The following ANKRD26 variants were observed in gnomAD, a reference collection of about 807,000 sequenced individuals.
ANKRD26 encodes the protein ankyrin repeat domain-containing protein 26.
Under a neutral mutation model 208.7 loss-of-function variants are expected in ANKRD26, and 141 were observed. The observed-to-expected ratio is 0.68, with a 90% CI of 0.59 to 0.78. The LOEUF (loss-of-function observed/expected upper bound fraction) is 0.78. ANKRD26 is among the 30% of genes least tolerant of loss of function. ANKRD26 has a pLI of 0.00. For synonymous variants in ANKRD26, 636 were observed against 660.4 expected, an observed-to-expected ratio of 0.96 and a Z score of 0.57; for missense variants, 1,889 against 1,938.7, an observed-to-expected ratio of 0.97 and a Z score of 0.48.
downstream of ANKRD26, among the ~76,000 whole-genome samples, chr10:26,971,865 G>C (rs915681100): frequency 6.6e-6 from 1 of 152,004 alleles, no homozygotes; most frequent in African/African-American, 2.4e-5. Flanking sequence ...AGCCTTTCTG[G>C]TAAAATCTCT....
At chr10:27,098,684 G>A (rs1301148240) in intron 1 of ANKRD26, among the ~76,000 whole-genome samples, 1 of 151,962 alleles carries the variant, frequency 6.6e-6, no homozygotes, top group Non-Finnish European at 1.5e-5. Flanking sequence ...GAGTAGCTGG[G>A]ACTACAGGCG....
intron 1 of ANKRD26, among the ~76,000 whole-genome samples, chr10:27,097,066 C>A (rs1398564012): frequency 1.3e-5 from 2 of 152,040 alleles, no homozygotes; most frequent in African/African-American, 2.4e-5. Context: ...CCTGGAATCT[C>A]AGCTACTAGG....
downstream of ANKRD26, among the ~76,000 whole-genome samples, chr10:27,003,279 T>C (rs951079708): frequency 2.0e-5 from 3 of 152,210 alleles, no homozygotes; most frequent in African/African-American, 7.2e-5. Context: ...TTGAAATGGC[T>C]ACTACTGGCC....
chr10:27,099,395 A>T (rs1308619449), intron 1 of ANKRD26, among the ~76,000 whole-genome samples: 1 of 152,218 alleles, frequency 6.6e-6, no homozygotes, highest in East Asian at 1.9e-4. Flanking sequence ...ATGCTGAGAA[A>T]AACAAATTAC....
the ANKRD26 span, among the ~76,000 whole-genome samples, chr10:26,950,204 TAGTG>T: frequency 2.0e-5 from 3 of 152,160 alleles, no homozygotes; most frequent in African/African-American, 7.2e-5. Context: ...GTTCTTGTGA[TAGTG>T]AGAGAGTTCT....
rs543557492 is a variant in ANKRD26, at chr10:27,035,710, T to G, written c.2740A>C (p.Asn914His). ...GCAATTTCTTCCTGCAACATGCTAT[T>G]TTTATGCGATAGGTCTTTTTCTTCT... ...HEEEKDLSHK[N>H]SMLQEEIAML... Residue 914 changes from asparagine to histidine, a missense_variant, in exon 24 of 34, where the codon AAT becomes CAT. Around this residue, in one of 3 missense-constraint regions of ANKRD26, gnomAD observed 1,272 missense variants for 1,273.8 expected, o/e 1.00. Coordinates refer to ENST00000376087, the MANE Select transcript of ANKRD26 (RefSeq NM_014915.3). 1.0e-5 allele frequency: 16 copies of G among 1,607,394 alleles called. No homozygotes were observed. In the African/African-American group the frequency reaches 1.6e-4, roughly 16 times the overall value.
At chr10:27,050,781 G>A (rs1286065372) in intron 16 of ANKRD26, among the ~76,000 whole-genome samples, 5 of 152,118 alleles carry the variant, frequency 3.3e-5, no homozygotes, top group African/African-American at 1.2e-4. Context: ...TGCTTATACT[G>A]GTTCACAAGG....
intron 29 of ANKRD26, among the ~76,000 whole-genome samples, chr10:27,018,770 A>G (rs2053389575): frequency 6.6e-6 from 1 of 152,168 alleles, no homozygotes; most frequent in Admixed American, 6.5e-5. Flanking sequence ...GTGCTGGGAA[A>G]ACTGGATATC....
the ANKRD26 span, among the ~76,000 whole-genome samples, chr10:26,953,138 T>C: frequency 2.0e-5 from 3 of 152,142 alleles, no homozygotes; most frequent in African/African-American, 7.2e-5. Flanking sequence ...GTAAATATAA[T>C]ACCAGGCCAG....
intron 9 of ANKRD26, among the ~76,000 whole-genome samples, chr10:27,076,268 T>TC (rs2135566433): frequency 6.6e-6 from 1 of 150,768 alleles, no homozygotes; most frequent in African/African-American, 2.4e-5. Context: ...TTGTTTGGTT[T>TC]TTTTTTTTTT....
chr10:27,079,957 G>A (rs982327125), intron 6 of ANKRD26: 5 of 213,286 alleles, frequency 2.3e-5, no homozygotes, highest in Non-Finnish European at 4.1e-5. Context: ...GGAGTTCAAG[G>A]CCAGTCTGAC....
intron 5 of ANKRD26, among the ~76,000 whole-genome samples, chr10:26,980,309 G>C (rs559113364): frequency 4.8e-4 from 73 of 152,300 alleles, no homozygotes; most frequent in Non-Finnish European, 8.7e-4. Context: ...TTGGGGACTT[G>C]TTGTCATCCT....
chr10:27,035,980 A>C (rs1338143900), intron 23 of ANKRD26, among the ~76,000 whole-genome samples: 1 of 152,094 alleles, frequency 6.6e-6, no homozygotes, highest in Non-Finnish European at 1.5e-5. Context: ...TAAAAAAGAA[A>C]CCACTAGAAA....
Position 27,060,418 on chromosome 10 carries a change from C to G in ANKRD26, c.1492-1G>C, listed in dbSNP as rs776710764. On this transcript the variant is annotated splice_acceptor_variant, in intron 14 of 33. Transcript: ENST00000376087. LOFTEE classifies it high-confidence loss of function. ...CAGAATCTTTCATTTCAATGGTAGG[C>G]TGAATGGGTTTTGAAACAAAATGAT... is the stretch of plus-strand genomic sequence containing the variant. The G allele has an allele frequency of 6.2e-7, 1 of 1,611,160 alleles. No homozygotes were observed. Among genetic ancestry groups the G allele is most frequent in the Non-Finnish European group, 8.5e-7 (1 of 1,177,622 alleles).
chr10:27,017,417 G>A, intron 30 of ANKRD26, 85 bp downstream of exon 30: 1 of 1,399,594 alleles, frequency 7.1e-7, no homozygotes, highest in Non-Finnish European at 1.0e-6. Context: ...TTGCTATAAG[G>A]GATGTAGAGG....
chr10:27,061,240 C>A lies in ANKRD26; in HGVS notation c.1366G>T (p.Val456Leu). Residue 456 changes from valine (V) to leucine (L), a missense_variant and splice_region_variant, in exon 13 of 34, where the codon GTG (valine) becomes TTG (leucine). This residue lies in a region of ANKRD26 where 1,272 missense variants were observed against 1,273.8 expected (regional missense o/e 1.00). Coordinates refer to ENST00000376087, the MANE Select transcript of ANKRD26 (RefSeq NM_014915.3). Reference protein sequence around the residue: ...KNIGNEQAEDVFYIPSCMSGS... With the variant: ...KNIGNEQAEDLFYIPSCMSGS... ...CTCATGCAAGAAGGTATATAAAACA[C>A]ATCTAAGAAATAATACATAATAAGC... 1.3e-6 allele frequency: 2 copies of A among 1,580,142 alleles called. No individual in the cohort carries two copies. The highest frequency in any genetic ancestry group is 4.5e-5 in the East Asian group (2 of 44,568).
At chr10:27,077,758 G>GT in intron 7 of ANKRD26, 65 bp from the exon 8 acceptor site, 3 of 1,334,666 alleles carry the variant, frequency 2.2e-6, no homozygotes, top group South Asian at 2.5e-5. Context: ...TAAAATAATC[G>GT]TAATAGATAG....
rs2053164032 is a variant in ANKRD26, at chr10:27,012,876, A to C, written c.4953+6T>G. On this transcript the variant is annotated splice_donor_region_variant and intron_variant, in intron 32 of 33. Coordinates refer to ENST00000376087, the MANE Select transcript of ANKRD26 (RefSeq NM_014915.3). Reference sequence around the variant, plus strand: ...AACCCAAAGGAAAAAAGACAACATAACTAACCTTGCTCAAGTAGTTCTCCA... The same window carrying C: ...AACCCAAAGGAAAAAAGACAACATACCTAACCTTGCTCAAGTAGTTCTCCA... 1 of 1,610,506 alleles carries C rather than the reference A, an allele frequency of 6.2e-7. No individual in the cohort carries two copies. The highest frequency in any genetic ancestry group is 2.2e-5 in the East Asian group (1 of 44,860).
chr10:27,039,326 C>T lies in ANKRD26; in HGVS notation c.2375+639G>A, dbSNP rs147975233. 4.2e-3 allele frequency among the ~76,000 whole-genome samples: 636 copies of T among 151,894 alleles called. 4 individuals are homozygous for T. Among genetic ancestry groups the T allele is most frequent in the Non-Finnish European group, 7.3e-3 (494 of 67,912 alleles). On this transcript the variant is annotated intron_variant, in intron 21 of 33. Coordinates refer to ENST00000376087, the MANE Select transcript of ANKRD26 (RefSeq NM_014915.3). ...AAAATTAGCTGGGCATGGTGGCGTG[C>T]GCCTGTAATCCCAGCTTCTTGTGAG... is the stretch of plus-strand genomic sequence containing the variant.
Sources: allele counts gnomAD v4.1 joint callset (sites outside exome capture counted in the v4.1 genomes callset), GRCh38; gene constraint gnomAD v4.1.1; regional missense constraint gnomAD v4.1.1; transcripts MANE v1.5; gene names NCBI Gene and HGNC (gene_info 2026-07-23, HGNC 2026-07-21).